NRG1: variants seen among roughly 807,000 people sequenced by gnomAD.
NRG1 encodes the protein neuregulin 1, also known as pro-neuregulin-1, membrane-bound isoform.
In NRG1, 18 loss-of-function variants were observed where a neutral mutation model predicts 63.8. The ratio of observed to expected loss-of-function variants is 0.28; its 90% CI spans 0.19 to 0.42. NRG1 has a LOEUF of 0.42. Ranked by LOEUF, NRG1 falls within the 10% of genes least tolerant of loss-of-function variation. The pLI, the probability that NRG1 is intolerant of heterozygous loss-of-function variation, is 1.00. For missense variants in NRG1, 762 were observed against 814.7 expected (o/e 0.94, Z 0.79); for synonymous variants, 302 against 301.3 (o/e 1.00, Z -0.02).
At chr8:32,243,724 G>C (rs184063413) in intron 1 of NRG1, among the ~76,000 whole-genome samples, 38 of 152,136 alleles carry the variant, frequency 2.5e-4, no homozygotes, top group African/African-American at 8.7e-4. Context: ...CTACTGTGAC[G>C]GTGTTTGAGA....
At chr8:32,647,180 G>GT in intron 5 of NRG1, 1 of 985,360 alleles carries the variant, frequency 1.0e-6, no homozygotes, top group Non-Finnish European at 1.2e-6. Context: ...CCTTTCAGCC[G>GT]TCGTCGCGTT....
chr8:32,690,619 A>G (rs2128935132), intron 5 of NRG1, among the ~76,000 whole-genome samples: 1 of 152,282 alleles, frequency 6.6e-6, no homozygotes, highest in South Asian at 2.1e-4. Flanking sequence ...AGTTTATAAA[A>G]GCCCAGGACT....
intron 5 of NRG1, among the ~76,000 whole-genome samples, chr8:32,634,281 A>G (rs1326434174): frequency 2.0e-5 from 3 of 152,050 alleles, no homozygotes; most frequent in Non-Finnish European, 4.4e-5. Flanking sequence ...AATTTGCTGT[A>G]ATTGTATGGT....
chr8:31,937,274 T>A (rs1224788701), intron 1 of NRG1, among the ~76,000 whole-genome samples: 1 of 152,188 alleles, frequency 6.6e-6, no homozygotes, highest in Non-Finnish European at 1.5e-5. Flanking sequence ...GCTCTTTTGG[T>A]TGAATTAAAC....
At chr8:32,029,885 T>G (rs913875595) in intron 1 of NRG1, among the ~76,000 whole-genome samples, 1 of 152,146 alleles carries the variant, frequency 6.6e-6, no homozygotes, top group Admixed American at 6.5e-5. Flanking sequence ...TCTGATATAA[T>G]CTAATATCTG....
At chr8:32,594,228 T>G (rs2129536951) in intron 1 of NRG1, among the ~76,000 whole-genome samples, 1 of 152,290 alleles carries the variant, frequency 6.6e-6, no homozygotes, top group Non-Finnish European at 1.5e-5. Context: ...CTTGGAGTCT[T>G]GAGCCCCTTA....
chr8:32,494,895 ATG>A (rs1173251806), intron 1 of NRG1, among the ~76,000 whole-genome samples: 8 of 152,184 alleles, frequency 5.3e-5, no homozygotes, highest in Non-Finnish European at 1.0e-4. Flanking sequence ...AAGTCACAAA[ATG>A]TGTAATTTGG....
At chr8:31,746,228 G>A (rs1815848334) in intron 1 of NRG1, among the ~76,000 whole-genome samples, 2 of 151,932 alleles carry the variant, frequency 1.3e-5, no homozygotes, top group African/African-American at 2.4e-5. Flanking sequence ...ACAAGCCCAA[G>A]CTTTTGTGGA....
At chr8:31,719,915 G>A (rs772395018) in intron 1 of NRG1, among the ~76,000 whole-genome samples, 1 of 152,036 alleles carries the variant, frequency 6.6e-6, no homozygotes, top group African/African-American at 2.4e-5. Flanking sequence ...GTAGGAGAAA[G>A]AAGGTTTTAG....
chr8:31,966,382 T>C (rs1806337303), intron 1 of NRG1, among the ~76,000 whole-genome samples: 1 of 152,230 alleles, frequency 6.6e-6, no homozygotes, highest in African/African-American at 2.4e-5. Flanking sequence ...ATATTTATGA[T>C]TATTCTTAAA....
chr8:32,327,782 CT>C, intron 1 of NRG1, among the ~76,000 whole-genome samples: 1 of 152,112 alleles, frequency 6.6e-6, no homozygotes, highest in Non-Finnish European at 1.5e-5. Context: ...GGCAGGAAGC[CT>C]TATTAGGTGG....
intron 1 of NRG1, among the ~76,000 whole-genome samples, chr8:32,254,770 G>T (rs1200127909): frequency 6.6e-6 from 1 of 152,196 alleles, no homozygotes; most frequent in East Asian, 1.9e-4. Context: ...TTGACAGTCA[G>T]GTATTAAAGT....
chr8:32,132,980 T>A (rs1835041609), intron 1 of NRG1, among the ~76,000 whole-genome samples: 1 of 152,002 alleles, frequency 6.6e-6, no homozygotes, highest in South Asian at 2.1e-4. Context: ...TCTTCCTTTC[T>A]TCTTTCCTTC....
chr8:31,652,950 C>G (rs1805003276), intron 1 of NRG1, among the ~76,000 whole-genome samples: 1 of 33,268 alleles, frequency 3.0e-5, no homozygotes, highest in Non-Finnish European at 7.1e-5. Context: ...CTTCCTTCCT[C>G]TCTTCTCTCC....
At chr8:32,403,291 C>T (rs1211036721) in intron 1 of NRG1, among the ~76,000 whole-genome samples, 1 of 104,290 alleles carries the variant, frequency 9.6e-6, no homozygotes, top group Non-Finnish European at 2.0e-5. Flanking sequence ...CAGAGCGACA[C>T]TCTGTCTCAA....
intron 5 of NRG1, among the ~76,000 whole-genome samples, chr8:32,617,407 G>A (rs1847573991): frequency 1.3e-5 from 2 of 152,234 alleles, no homozygotes; most frequent in South Asian, 4.1e-4. Context: ...AAGCCCCTAG[G>A]CAAGATCTCA....
At chr8:32,184,913 G>A (rs1364364459) in intron 1 of NRG1, among the ~76,000 whole-genome samples, 2 of 152,136 alleles carry the variant, frequency 1.3e-5, no homozygotes, top group Non-Finnish European at 2.9e-5. Flanking sequence ...GTTGTTTTTA[G>A]TTAAGGACTT....
Position 32,436,078 on chromosome 8 carries a change from T to C in NRG1, c.38-159750T>C, listed in dbSNP as rs112404303. Among the ~76,000 whole-genome samples, 151 of 152,210 alleles carry C rather than the reference T, an allele frequency of 9.9e-4. 2 individuals are homozygous for C. The highest frequency in any genetic ancestry group is 3.3e-3 in the Admixed American group (50 of 15,276). On this transcript the variant is annotated intron_variant, in intron 1 of 10. Transcript: ENST00000519301. ...GACATACCTGAGACTGGGTAATTTA[T>C]AAAGAAAAAGAGGTTTAATGAACTC...
intron 1 of NRG1, among the ~76,000 whole-genome samples, chr8:32,047,659 T>G (rs1471170593): frequency 2.0e-5 from 3 of 151,956 alleles, no homozygotes; most frequent in African/African-American, 7.2e-5. Context: ...CAAAATAAAT[T>G]TTATTTACTT....
Sources: allele counts gnomAD v4.1 joint callset (sites outside exome capture counted in the v4.1 genomes callset), GRCh38; gene constraint gnomAD v4.1.1; transcripts MANE v1.5; gene names NCBI Gene and HGNC (gene_info 2026-07-23, HGNC 2026-07-21).